Variants in EPHA4 observed in about 807,000 individuals in gnomAD.
EPHA4 encodes EPH receptor A4, also known as ephrin type-A receptor 4.
EPHA4 carries 19 observed loss-of-function variants against 108.3 expected under a neutral mutation model. That is an observed-to-expected ratio of 0.18 (90% CI 0.12 to 0.26). The LOEUF (loss-of-function observed/expected upper bound fraction) is 0.26, where lower values mean the gene tolerates loss of function less well. EPHA4 is among the 10% of genes least tolerant of loss of function. The pLI is 1.00. For missense variants in EPHA4, 917 were observed against 1,254.0 expected, an observed-to-expected ratio of 0.73 and a Z score of 4.06; for synonymous variants, 449 against 455.5, an observed-to-expected ratio of 0.99 and a Z score of 0.18.
chr2:221,550,188 A>G (rs775430941), intron 3 of EPHA4, among the ~76,000 whole-genome samples: 15 of 152,216 alleles, frequency 9.9e-5, no homozygotes, highest in Non-Finnish European at 1.9e-4. Context: ...TCTGAGAGAT[A>G]GTTTCTTTGT....
intron 4 of EPHA4, among the ~76,000 whole-genome samples, chr2:221,487,334 C>T (rs578238413): frequency 2.0e-5 from 3 of 152,182 alleles, no homozygotes; most frequent in Non-Finnish European, 2.9e-5. Context: ...GAGCAAGCAC[C>T]TGCCTTGTCC....
At chr2:221,558,281 T>A (rs1301726351) in intron 3 of EPHA4, among the ~76,000 whole-genome samples, 16 of 152,082 alleles carry the variant, frequency 1.1e-4, no homozygotes, top group Non-Finnish European at 8.8e-5. Flanking sequence ...TTGAAAACTG[T>A]GTGTGTGTAT....
chr2:221,531,183 T>C (rs898124951), intron 3 of EPHA4, among the ~76,000 whole-genome samples: 4 of 152,212 alleles, frequency 2.6e-5, no homozygotes, highest in African/African-American at 4.8e-5. Flanking sequence ...AGAATTAGGT[T>C]AAACTTTCTC....
At position 221,555,289 on chromosome 2, in the gene EPHA4, T is replaced by C. The variant is rs1559291817; in HGVS notation, c.823+8442A>G. On this transcript the variant is annotated intron_variant, in intron 3 of 17. Coordinates refer to ENST00000281821, the MANE Select transcript of EPHA4 (RefSeq NM_004438.5). ...TTGCATGGTGTCTAAATCATTGGGC[T>C]CTGCATAAACAGAAGGAGATTTTGG... 2.0e-5 allele frequency among the ~76,000 whole-genome samples: 3 copies of C among 152,228 alleles called. No homozygotes were observed. In the South Asian group the frequency reaches 6.2e-4, roughly 31 times the overall value.
intron 13 of EPHA4, among the ~76,000 whole-genome samples, chr2:221,435,774 T>C (rs1559238645): frequency 6.6e-6 from 1 of 152,172 alleles, no homozygotes; most frequent in Non-Finnish European, 1.5e-5. Context: ...ATGAAGGCCA[T>C]TAGATACTGG....
chr2:221,456,581 A>C, intron 7 of EPHA4, 32 bp downstream of exon 7: 1 of 1,609,518 alleles, frequency 6.2e-7, no homozygotes, highest in Non-Finnish European at 8.5e-7. Context: ...AAATAGCCTC[A>C]GAAGTGACTG....
At chr2:221,491,945 G>A (rs567721880) in intron 4 of EPHA4, among the ~76,000 whole-genome samples, 1 of 152,158 alleles carries the variant, frequency 6.6e-6, no homozygotes, top group Non-Finnish European at 1.5e-5. Flanking sequence ...GAGCTGGGAG[G>A]TGGAAGTTGC....
chr2:221,453,879 A>T (rs1286175148), intron 8 of EPHA4, among the ~76,000 whole-genome samples: 2 of 152,172 alleles, frequency 1.3e-5, no homozygotes, highest in African/African-American at 4.8e-5. Context: ...TGGGAGCATG[A>T]TATTAAGAAA....
intron 4 of EPHA4, among the ~76,000 whole-genome samples, chr2:221,489,068 A>T (rs1207743924): frequency 6.6e-6 from 1 of 152,194 alleles, no homozygotes; most frequent in Non-Finnish European, 1.5e-5. Context: ...AGCCAACACT[A>T]AACCTAAAGT....
At chr2:221,443,216 C>T (rs1690484560) in intron 10 of EPHA4, among the ~76,000 whole-genome samples, 1 of 151,834 alleles carries the variant, frequency 6.6e-6, no homozygotes, top group Non-Finnish European at 1.5e-5. Context: ...AGGCTTAATG[C>T]AAAAAACCTA....
intron 15 of EPHA4, among the ~76,000 whole-genome samples, chr2:221,427,962 A>G (rs1380797494): frequency 1.3e-5 from 2 of 152,136 alleles, no homozygotes; most frequent in East Asian, 3.8e-4. Flanking sequence ...TTTTGTGTCC[A>G]TTATTTCAAT....
chr2:221,530,680 T>C (rs1382431791), intron 3 of EPHA4, among the ~76,000 whole-genome samples: 1 of 152,182 alleles, frequency 6.6e-6, no homozygotes, highest in Non-Finnish European at 1.5e-5. Flanking sequence ...GCTTTGGGTA[T>C]ATGATTTGGG....
At chr2:221,536,217 G>A (rs1693664479) in intron 3 of EPHA4, among the ~76,000 whole-genome samples, 1 of 152,166 alleles carries the variant, frequency 6.6e-6, no homozygotes, top group Admixed American at 6.5e-5. Flanking sequence ...TTCTAGATGA[G>A]GAAACTAATG....
chr2:221,550,177 G>A (rs896188595), intron 3 of EPHA4, among the ~76,000 whole-genome samples: 1 of 152,116 alleles, frequency 6.6e-6, no homozygotes, highest in Non-Finnish European at 1.5e-5. Flanking sequence ...ACTGAACAAG[G>A]TCTGAGAGAT....
chr2:221,553,771 C>T (rs1173312826), intron 3 of EPHA4, among the ~76,000 whole-genome samples: 1 of 152,146 alleles, frequency 6.6e-6, no homozygotes, highest in Non-Finnish European at 1.5e-5. Context: ...GAAAAAAATC[C>T]AATTTGCTTT....
At chr2:221,565,467 C>T (rs1333458274) in intron 2 of EPHA4, among the ~76,000 whole-genome samples, 2 of 152,176 alleles carry the variant, frequency 1.3e-5, no homozygotes, top group African/African-American at 4.8e-5. Context: ...ATTTAACAAA[C>T]ATATGAATAT....
At position 221,442,868 on chromosome 2, in the gene EPHA4, G is replaced by T. The variant is rs1293269800; in HGVS notation, c.2035C>A (p.His679Asn). 3 of 1,614,172 alleles carry T rather than the reference G, an allele frequency of 1.9e-6. No homozygotes were observed. In the Admixed American group the frequency reaches 5.0e-5, roughly 27 times the overall value. The change falls in exon 11 of 18, where the codon CAT (histidine) becomes AAT (asparagine). Residue 679 changes from histidine (H) to asparagine (N), a missense_variant. By Grantham distance (68) the His-to-Asn change is moderately conservative. This residue lies in a region of EPHA4 where 758 missense variants were observed against 1,076.7 expected (regional missense o/e 0.70). Coordinates refer to ENST00000281821, the MANE Select transcript of EPHA4 (RefSeq NM_004438.5). Reference sequence around the variant, plus strand: ...CCTTCCAAGTGAATGATGTTCGGATGGTCAAACTGTCCCATGATGCTGGCC... The same window carrying T: ...CCTTCCAAGTGAATGATGTTCGGATTGTCAAACTGTCCCATGATGCTGGCC... ...SEASIMGQFD[H>N]PNIIHLEGVV...
chr2:221,499,364 A>G (rs1293977201), intron 4 of EPHA4, among the ~76,000 whole-genome samples: 1 of 150,988 alleles, frequency 6.6e-6, no homozygotes, highest in Non-Finnish European at 1.5e-5. Flanking sequence ...TACCTTTTCT[A>G]TAAAATAAAG....
At chr2:221,502,477 C>A in intron 3 of EPHA4, 1 of 469,842 alleles carries the variant, frequency 2.1e-6, no homozygotes, top group Non-Finnish European at 4.4e-6. Context: ...CATTTTCCAT[C>A]AGCCTGGCAG....
Sources: gnomAD v4.1 joint callset for allele counts (sites outside exome capture counted in the v4.1 genomes callset) on GRCh38, gnomAD v4.1.1 for gene constraint, gnomAD v4.1.1 regional missense constraint, MANE v1.5 for transcripts, NCBI Gene and HGNC (gene_info 2026-07-23, HGNC 2026-07-21) for gene names.